Variants in TBCD observed in about 807,000 individuals in gnomAD.
The protein encoded by TBCD is tubulin folding cofactor D.
TBCD carries 105 observed loss-of-function variants against 169.3 expected under a neutral mutation model. That is an observed-to-expected ratio of 0.62 (90% CI 0.53 to 0.73). The LOEUF (loss-of-function observed/expected upper bound fraction) is 0.73, where lower values mean the gene tolerates loss of function less well. TBCD is among the 30% of genes least tolerant of loss of function. The pLI, the probability that TBCD is intolerant of heterozygous loss-of-function variation, is 0.00. For missense variants in TBCD, 1,444 were observed against 1,600.1 expected (o/e 0.90, Z 1.66); for synonymous variants, 700 against 643.9 (o/e 1.09, Z -1.32).
intron 22 of TBCD, among the ~76,000 whole-genome samples, chr17:82,910,359 C>T (rs1197736156): frequency 3.3e-5 from 5 of 152,186 alleles, no homozygotes; most frequent in Non-Finnish European, 5.9e-5. Flanking sequence ...GGTGCTGAGC[C>T]TCTTTCCCTG....
chr17:82,829,779 C>A (rs1355678423), intron 13 of TBCD: 2 of 216,240 alleles, frequency 9.2e-6, no homozygotes, highest in African/African-American at 4.6e-5. Context: ...TCATTTACAT[C>A]AAATATGCAG....
chr17:82,929,058 GC>G, intron 30 of TBCD, 54 bp from the exon 31 acceptor site: 1 of 1,575,392 alleles, frequency 6.3e-7, no homozygotes, highest in South Asian at 1.1e-5. Context: ...TCAGTTTACC[GC>G]CCGCTCTTAA....
chr17:82,921,403 G>A (rs542929614), intron 24 of TBCD, 98 bp from the exon 25 acceptor site: 3 of 967,082 alleles, frequency 3.1e-6, no homozygotes, highest in Admixed American at 1.8e-5. Flanking sequence ...GGTTACCATC[G>A]ACTTTAAGAT....
intron 13 of TBCD, among the ~76,000 whole-genome samples, chr17:82,842,393 CTCTCCCT>C (rs2054594044): frequency 6.6e-6 from 1 of 152,216 alleles, no homozygotes; most frequent in Non-Finnish European, 1.5e-5. Flanking sequence ...CTCTCCCCCT[CTCTCCCT>C]TCTCCACTCC....
chr17:82,768,703 G>A, intron 5 of TBCD, 137 bp downstream of exon 5: 1 of 941,652 alleles, frequency 1.1e-6, no homozygotes, highest in Admixed American at 3.1e-5. Context: ...AAATCCCATA[G>A]GATAACTTAT....
At chr17:82,776,695 G>A (rs2048620656) in intron 6 of TBCD, among the ~76,000 whole-genome samples, 1 of 152,110 alleles carries the variant, frequency 6.6e-6, no homozygotes, top group Non-Finnish European at 1.5e-5. Context: ...TTACAGACCC[G>A]TTCTCGTGTC....
At chr17:82,768,658 A>T (rs1453506722) in intron 5 of TBCD, 92 bp downstream of exon 5, 1 of 1,406,940 alleles carries the variant, frequency 7.1e-7, no homozygotes, top group Non-Finnish European at 9.7e-7. Context: ...TAAGCTTCTG[A>T]TATGTATTCA....
rs560622914 is a variant in TBCD at position 82,905,269 on chromosome 17, G to A, written c.1805-667G>A. Reference sequence around the variant, plus strand: ...ACAGGGAAGGCCTGGGGAGTGTGTCGTCCTCCTCCATGCTCCCTCTCCTGT... The same window carrying A: ...ACAGGGAAGGCCTGGGGAGTGTGTCATCCTCCTCCATGCTCCCTCTCCTGT... On this transcript the variant is annotated intron_variant, in intron 19 of 38. Transcript: ENST00000355528. Among the ~76,000 whole-genome samples the A allele has an allele frequency of 7.2e-5, 11 of 152,316 alleles. No homozygotes were observed. In the South Asian group the frequency reaches 1.0e-3, roughly 14 times the overall value.
In TBCD at chr17:82,889,321, A is replaced by C. The variant is rs2058968207; in HGVS notation, c.1534-347A>C. ...GTGACCATGAGCTGCCTCACTCCTG[A>C]GGAAGAGTGTTCGGGCTCTGGGCTT... On this transcript the variant is annotated intron_variant, in intron 15 of 38. Transcript: ENST00000355528. This position sits in a 1 kb window ranked among gnomAD's most constrained non-coding sequence, Gnocchi z 5.3. Among the ~76,000 whole-genome samples, 1 of 152,026 alleles carries C rather than the reference A, an allele frequency of 6.6e-6. No individual in the cohort carries two copies.
At chr17:82,866,740 G>T (rs1264127373) in intron 13 of TBCD, among the ~76,000 whole-genome samples, 2 of 152,242 alleles carry the variant, frequency 1.3e-5, no homozygotes, top group African/African-American at 4.8e-5. Flanking sequence ...GTTCTCTGCT[G>T]CTGGGACTCA....
chr17:82,860,180 AGTT>A (rs140580066), intron 13 of TBCD, among the ~76,000 whole-genome samples: 1,547 of 152,244 alleles, frequency 0.01, 33 homozygotes, highest in African/African-American at 0.034. Context: ...GCTTCTTTCA[AGTT>A]GTTGTGCTTG....
At chr17:82,925,707 C>G (rs564889488) in intron 27 of TBCD, among the ~76,000 whole-genome samples, 1 of 152,194 alleles carries the variant, frequency 6.6e-6, no homozygotes, top group Non-Finnish European at 1.5e-5. Flanking sequence ...GCCATGCCAT[C>G]TAAAACTCGC....
Position 82,880,137 on chromosome 17 carries a change from G to T in TBCD, c.1476-4008G>T, listed in dbSNP as rs558863594. ...GTCCTTTCTTCTGCCTCCTGTGTCT[G>T]TCCTTCCTTCTTCCTTCCTGTATGT... On this transcript the variant is annotated intron_variant, in intron 14 of 38. Transcript: ENST00000355528. This position sits in a 1 kb window ranked among gnomAD's most constrained non-coding sequence, Gnocchi z 5.0. Among the ~76,000 whole-genome samples the T allele has an allele frequency of 1.4e-4, 22 of 152,230 alleles. No individual in the cohort carries two copies. The South Asian group carries it at 3.7e-3, about 26-fold the overall frequency.
At chr17:82,925,606 C>T (rs1457072297) in intron 27 of TBCD, among the ~76,000 whole-genome samples, 4 of 152,224 alleles carry the variant, frequency 2.6e-5, no homozygotes. Flanking sequence ...GTTCCCCACG[C>T]CCTTCCCTCC....
rs568825998 is a variant in TBCD at position 82,783,922 on chromosome 17, C to T, written c.771+2201C>T. 1.5e-4 allele frequency among the ~76,000 whole-genome samples: 23 copies of T among 152,212 alleles called. No homozygotes were observed. In the South Asian group the frequency reaches 2.5e-3, roughly 16 times the overall value. On this transcript the variant is annotated intron_variant, in intron 7 of 38. Transcript: ENST00000355528. ...GGCAGATTACTTGAGGTCGGGAGTT[C>T]GAGACCAGCCTGGTCAACGTGGTGA...
At chr17:82,854,912 C>T (rs929356103) in intron 13 of TBCD, among the ~76,000 whole-genome samples, 1 of 152,210 alleles carries the variant, frequency 6.6e-6, no homozygotes, top group African/African-American at 2.4e-5. Context: ...AGGCCCTGAT[C>T]GCATTCATGA....
intron 7 of TBCD, among the ~76,000 whole-genome samples, chr17:82,788,251 A>G (rs1247966156): frequency 1.3e-5 from 2 of 152,184 alleles, no homozygotes; most frequent in African/African-American, 4.8e-5. Flanking sequence ...AAAAATTTAC[A>G]AAAAGGAAAA....
intron 7 of TBCD, among the ~76,000 whole-genome samples, chr17:82,791,529 C>T (rs2049729982): frequency 6.6e-6 from 1 of 152,098 alleles, no homozygotes; most frequent in African/African-American, 2.4e-5. Context: ...GGGGGCACAC[C>T]CCAGAGGTGG....
chr17:82,806,131 C>G lies in TBCD; in HGVS notation c.1087+120C>G. On this transcript the variant is annotated intron_variant, in intron 10 of 38. Coordinates refer to ENST00000355528, the MANE Select transcript of TBCD (RefSeq NM_005993.5). This position sits in a 1 kb window ranked among gnomAD's most constrained non-coding sequence, Gnocchi z 5.1. ...CCGGCACTGTCTGGCCACCCGTCCC[C>G]TTCGCTGAGTGCACGGTCACTGCCC... 8.7e-6 allele frequency: 12 copies of G among 1,385,594 alleles called. 2 individuals carry two copies. The South Asian group carries it at 1.7e-4, about 19-fold the overall frequency. 85.8% of individuals were successfully genotyped at this position (1,385,594 alleles called of 1,614,324 possible). A position where few individuals can be genotyped will look rare whatever the true frequency, so the allele number is the denominator to read the frequency against.
Sources: gnomAD v4.1 joint callset for allele counts (sites outside exome capture counted in the v4.1 genomes callset) on GRCh38, gnomAD v4.1.1 for gene constraint, Gnocchi (gnomAD v3.1) non-coding constraint, MANE v1.5 for transcripts, NCBI Gene and HGNC (gene_info 2026-07-23, HGNC 2026-07-21) for gene names.